Variants in MVK observed in about 807,000 individuals in gnomAD.
MVK encodes the protein LH receptor mRNA-binding protein.
MVK carries 34 observed loss-of-function variants against 43.2 expected under a neutral mutation model. The ratio of observed to expected loss-of-function variants is 0.79; its 90% CI spans 0.60 to 1.05. The LOEUF (loss-of-function observed/expected upper bound fraction) is 1.05. MVK is among the 50% of genes least tolerant of loss of function. MVK has a pLI of 0.00. For synonymous variants in MVK, 190 were observed against 219.8 expected (o/e 0.86, Z 1.20); for missense variants, 395 against 504.0 (o/e 0.78, Z 2.07).
At chr12:109,586,831 A>T in intron 7 of MVK, 32 bp downstream of exon 7, 2 of 1,612,668 alleles carry the variant, frequency 1.2e-6, no homozygotes, top group Non-Finnish European at 1.7e-6. Flanking sequence ...ACATTCAGCC[A>T]TGGCTGCATT....
In MVK at chr12:109,574,959, G is replaced by C. The variant is rs1481452787; in HGVS notation, c.78+59G>C. On this transcript the variant is annotated intron_variant, in intron 2 of 10. Transcript: ENST00000228510. ...ACCCCTTCTCCCTGATGCTAATTTTGTAAGAAGGTAAAAGGACACCCTGAG... is the reference window on the plus strand; with the variant it reads ...ACCCCTTCTCCCTGATGCTAATTTTCTAAGAAGGTAAAAGGACACCCTGAG... The C allele has an allele frequency of 7.2e-6, 11 of 1,522,432 alleles. No homozygotes were observed. In the African/African-American group the frequency reaches 1.2e-4, roughly 17 times the overall value. The allele number at this position is 1,522,432 out of a possible 1,614,324, so 94.3% of individuals were successfully genotyped here.
chr12:109,574,293 G>A (rs1269003268), intron 1 of MVK, among the ~76,000 whole-genome samples: 1 of 152,280 alleles, frequency 6.6e-6, no homozygotes, highest in African/African-American at 2.4e-5. Flanking sequence ...CTGCAGCCTT[G>A]TTTATAATTG....
At chr12:109,578,402 A>G (rs1885059506) in intron 3 of MVK, among the ~76,000 whole-genome samples, 1 of 151,428 alleles carries the variant, frequency 6.6e-6, no homozygotes, top group Admixed American at 6.6e-5. Flanking sequence ...GTGCTACTAC[A>G]GTGAACACTT....
intron 5 of MVK, among the ~76,000 whole-genome samples, chr12:109,581,991 C>T (rs1280127603): frequency 1.3e-5 from 2 of 152,188 alleles, no homozygotes; most frequent in East Asian, 1.9e-4. Context: ...ATGAAAGAAA[C>T]TAAGAGTTTG....
chr12:109,590,575 C>A, intron 7 of MVK, 196 bp from the exon 8 acceptor site: 1 of 640,044 alleles, frequency 1.6e-6, no homozygotes, highest in Non-Finnish European at 2.8e-6. Flanking sequence ...GGAGAATGGC[C>A]ACCCAACCAG....
chr12:109,577,988 A>C (rs549609433), intron 3 of MVK, among the ~76,000 whole-genome samples: 3 of 152,162 alleles, frequency 2.0e-5, no homozygotes, highest in Admixed American at 6.5e-5. Flanking sequence ...GTATGGGGGA[A>C]CATGTCTCAG....
At chr12:109,574,977 A>ACC in intron 2 of MVK, 77 bp downstream of exon 2, 1 of 1,388,904 alleles carries the variant, frequency 7.2e-7, no homozygotes, top group South Asian at 1.2e-5. Flanking sequence ...GTAAAAGGAC[A>ACC]CCCTGAGGCA....
At chr12:109,575,218 A>T (rs1268323333) in intron 2 of MVK, among the ~76,000 whole-genome samples, 1 of 152,220 alleles carries the variant, frequency 6.6e-6, no homozygotes, top group Non-Finnish European at 1.5e-5. Context: ...AGTTGGAAGG[A>T]TGATCTAGCA....
chr12:109,586,466 G>C (rs1885436919), intron 6 of MVK, among the ~76,000 whole-genome samples: 1 of 152,214 alleles, frequency 6.6e-6, no homozygotes, highest in South Asian at 2.1e-4. Context: ...ACAGGGCCCA[G>C]ATGCTGTGTC....
rs1885629617 is a variant in MVK, at chr12:109,590,721, G to A, written c.678-50G>A. On this transcript the variant is annotated intron_variant, in intron 7 of 10. Coordinates refer to ENST00000228510, the MANE Select transcript of MVK (RefSeq NM_000431.4). ...CCGGACTGCTCCCAGTCCTGTCCCA[G>A]CTCCTCCATCTTGAGTTCAGTGTGG... is the stretch of plus-strand genomic sequence containing the variant. 2.4e-5 allele frequency: 37 copies of A among 1,566,052 alleles called. No homozygotes were observed. In the East Asian group the frequency reaches 8.3e-4, roughly 35 times the overall value.
Position 109,586,120 on chromosome 12 carries a change from C to A in MVK, c.626C>A (p.Thr209Asn), listed in dbSNP as rs1170585519. 6.2e-7 allele frequency: 1 copy of A among 1,612,720 alleles called. No individual in the cohort carries two copies. Among genetic ancestry groups the A allele is most frequent in the Non-Finnish European group, 8.5e-7 (1 of 1,178,816 alleles). Residue 209 changes from threonine to asparagine, a missense_variant, in exon 6 of 11, where the codon ACC becomes AAC. Thr to Asn is a moderately conservative substitution (Grantham distance 65). Transcript: ENST00000228510. ...NPSGVDNAVS[T>N]WGGALRYHQG... The stretch of plus-strand genomic sequence containing the variant: ...TCCGGAGTGGACAATGCTGTCAGCA[C>A]CTGGGGTAGGTGTGGCCTCAGGTTT...
intron 5 of MVK, among the ~76,000 whole-genome samples, chr12:109,582,319 TGTTTG>T (rs746991927): frequency 0.015 from 424 of 27,358 alleles, 3 homozygotes; most frequent in African/African-American, 0.11. Flanking sequence ...TTGGTTTTTT[TGTTTG>T]TTTGTTTGTT....
chr12:109,582,724 C>T (rs1164053926), intron 5 of MVK, among the ~76,000 whole-genome samples: 1 of 151,528 alleles, frequency 6.6e-6, no homozygotes, highest in Non-Finnish European at 1.5e-5. Context: ...CTGTGTAGAG[C>T]AGGAGGAAGA....
chr12:109,590,327 G>A (rs1885611134), intron 7 of MVK: 3 of 311,388 alleles, frequency 9.6e-6, no homozygotes, highest in South Asian at 5.9e-5. Context: ...TGACTGTGCC[G>A]GGTTCCGCCA....
At chr12:109,574,122 G>T (rs1884805308) in intron 1 of MVK, among the ~76,000 whole-genome samples, 1 of 152,222 alleles carries the variant, frequency 6.6e-6, no homozygotes, top group Non-Finnish European at 1.5e-5. Flanking sequence ...CTGAATCTTA[G>T]CGTAAGGTAA....
chr12:109,586,075 G>T lies in MVK; in HGVS notation c.581G>T (p.Arg194Ile). Residue 194 changes from arginine to isoleucine, a missense_variant, in exon 6 of 11, where the codon AGA becomes ATA. Transcript: ENST00000228510. ...LINKWAFQGE[R>I]MIHGNPSGVD... ...AACAAGTGGGCCTTCCAAGGGGAGA[G>T]AATGATTCACGGGAACCCCTCCGGA... is the stretch of plus-strand genomic sequence containing the variant. 6.2e-7 allele frequency: 1 copy of T among 1,614,236 alleles called. No individual in the cohort carries two copies. The highest frequency in any genetic ancestry group is 1.7e-5 in the Admixed American group (1 of 60,030).
At chr12:109,573,431 C>A (rs1337192403), upstream of MVK, 3 of 1,607,198 alleles carry the variant, frequency 1.9e-6, no homozygotes. Flanking sequence ...CCCGCGCAGG[C>A]CAAGACGGCT....
intron 1 of MVK, among the ~76,000 whole-genome samples, chr12:109,574,309 C>A (rs1884819832): frequency 6.6e-6 from 1 of 152,178 alleles, no homozygotes; most frequent in Non-Finnish European, 1.5e-5. Flanking sequence ...AATTGTGACA[C>A]ATTGGAAACA....
Position 109,595,021 on chromosome 12 carries a change from C to T in MVK, c.886-7C>T. 2 of 1,614,164 alleles carry T rather than the reference C, an allele frequency of 1.2e-6. No individual in the cohort carries two copies. Among genetic ancestry groups the T allele is most frequent in the Non-Finnish European group, 1.7e-6 (2 of 1,180,030 alleles). The stretch of plus-strand genomic sequence containing the variant: ...CAAGTGGGAACAGATGGAACCTTCT[C>T]CCCTAGGAGCTCATTGACATGAACC... On this transcript the variant is annotated splice_region_variant and splice_polypyrimidine_tract_variant and intron_variant, in intron 9 of 10. Transcript: ENST00000228510. This position sits in a 1 kb window ranked among gnomAD's most constrained non-coding sequence, Gnocchi z 5.9.
Sources: allele counts gnomAD v4.1 joint callset (sites outside exome capture counted in the v4.1 genomes callset), GRCh38; gene constraint gnomAD v4.1.1; non-coding constraint Gnocchi (gnomAD v3.1); transcripts MANE v1.5; gene names NCBI Gene and HGNC (gene_info 2026-07-23, HGNC 2026-07-21).